AGBL4: variants seen among roughly 807,000 people sequenced by gnomAD.
The protein encoded by AGBL4 is AGBL carboxypeptidase 4.
In AGBL4, 58 loss-of-function variants were observed where a neutral mutation model predicts 66.4. The observed-to-expected ratio is 0.87, with a 90% CI of 0.71 to 1.09. The LOEUF is 1.09. Ranked by LOEUF, AGBL4 falls within the 50% of genes least tolerant of loss-of-function variation. AGBL4 has a pLI of 0.00. For missense variants in AGBL4, 579 were observed against 631.0 expected (o/e 0.92, Z 0.88); for synonymous variants, 234 against 222.9 (o/e 1.05, Z -0.44).
chr1:49,744,661 A>T (rs369299510), intron 2 of AGBL4, among the ~76,000 whole-genome samples: 78 of 152,194 alleles, frequency 5.1e-4, no homozygotes, highest in African/African-American at 1.8e-3. Flanking sequence ...AAAAGTATAA[A>T]CCTATTTTTG....
chr1:49,282,371 A>C (rs1008839753), intron 3 of AGBL4, among the ~76,000 whole-genome samples: 2 of 152,208 alleles, frequency 1.3e-5, no homozygotes, highest in African/African-American at 4.8e-5. Flanking sequence ...GTCTCAAAAA[A>C]AGGAGTAGGG....
intron 2 of AGBL4, among the ~76,000 whole-genome samples, chr1:49,850,814 T>G (rs1225607936): frequency 6.6e-6 from 1 of 152,122 alleles, no homozygotes; most frequent in Non-Finnish European, 1.5e-5. Flanking sequence ...GTCTCTACTG[T>G]GTGACAATTA....
chr1:49,512,643 G>A (rs1265272291), intron 3 of AGBL4, among the ~76,000 whole-genome samples: 1 of 151,820 alleles, frequency 6.6e-6, no homozygotes, highest in African/African-American at 2.4e-5. Context: ...AAACCCAGAA[G>A]CAGATACCAT....
Position 49,177,034 on chromosome 1 carries a change from C to T in AGBL4, c.377+68736G>A, listed in dbSNP as rs143402908. 2.3e-4 allele frequency among the ~76,000 whole-genome samples: 35 copies of T among 152,184 alleles called. No homozygotes were observed. The East Asian group carries it at 6.6e-3, about 29-fold the overall frequency. ...CTCAACAAAGCTCTGTCTTGGTTTTCAAGGGTCATCCCCATCCAAACAATC... is the reference window on the plus strand; with the variant it reads ...CTCAACAAAGCTCTGTCTTGGTTTTTAAGGGTCATCCCCATCCAAACAATC... On this transcript the variant is annotated intron_variant, in intron 4 of 13. Transcript: ENST00000371839.
At chr1:48,705,702 A>C (rs1646871868) in intron 6 of AGBL4, among the ~76,000 whole-genome samples, 1 of 152,254 alleles carries the variant, frequency 6.6e-6, no homozygotes, top group East Asian at 1.9e-4. Flanking sequence ...GTAATGTTAA[A>C]AATTAAACTT....
chr1:48,735,094 G>C (rs1048206892), intron 6 of AGBL4, among the ~76,000 whole-genome samples: 1 of 152,296 alleles, frequency 6.6e-6, no homozygotes, highest in Admixed American at 6.5e-5. Context: ...GTTGCTATGA[G>C]GATAATGAGT....
At chr1:49,639,916 G>T (rs1645748826) in intron 3 of AGBL4, among the ~76,000 whole-genome samples, 1 of 152,136 alleles carries the variant, frequency 6.6e-6, no homozygotes, top group African/African-American at 2.4e-5. Flanking sequence ...AGTTAAATAT[G>T]AGCAAAGATA....
At chr1:48,787,521 T>C (rs542573058) in intron 6 of AGBL4, among the ~76,000 whole-genome samples, 4 of 152,290 alleles carry the variant, frequency 2.6e-5, no homozygotes, top group African/African-American at 7.2e-5. Flanking sequence ...TGTCAACCAA[T>C]ATAAAAAAAT....
At chr1:49,371,224 GATAT>G (rs1396341671) in intron 3 of AGBL4, among the ~76,000 whole-genome samples, 199 of 122,530 alleles carry the variant, frequency 1.6e-3, no homozygotes, top group African/African-American at 4.8e-3. Context: ...TAGATAGATA[GATAT>G]ATAGATAGAT....
intron 6 of AGBL4, among the ~76,000 whole-genome samples, chr1:48,778,990 A>AC (rs765556623): frequency 6.6e-6 from 1 of 152,140 alleles, no homozygotes; most frequent in African/African-American, 2.4e-5. Context: ...AAAAGGAGCC[A>AC]CTCTGAGTTG....
intron 6 of AGBL4, among the ~76,000 whole-genome samples, chr1:48,788,938 A>G (rs1385934479): frequency 2.6e-5 from 4 of 152,174 alleles, no homozygotes; most frequent in Non-Finnish European, 5.9e-5. Flanking sequence ...AATTTTATAT[A>G]TATATGAGAG....
intron 5 of AGBL4, among the ~76,000 whole-genome samples, chr1:48,997,838 G>T (rs1320513002): frequency 6.6e-6 from 1 of 152,180 alleles, no homozygotes; most frequent in Non-Finnish European, 1.5e-5. Context: ...GCCACCAGTG[G>T]TGTATATTGT....
At chr1:49,001,316 A>T (rs955013662) in intron 5 of AGBL4, among the ~76,000 whole-genome samples, 13 of 152,204 alleles carry the variant, frequency 8.5e-5, no homozygotes, top group Non-Finnish European at 1.3e-4. Flanking sequence ...ACAAGCAGTT[A>T]TTTAGCTCTA....
At chr1:49,869,961 G>A (rs1379023482) in intron 1 of AGBL4, among the ~76,000 whole-genome samples, 1 of 152,086 alleles carries the variant, frequency 6.6e-6, no homozygotes, top group Admixed American at 6.5e-5. Flanking sequence ...AGAAGATCTA[G>A]AATGTTCCCA....
chr1:49,555,426 CAG>C (rs1265647922), intron 3 of AGBL4, among the ~76,000 whole-genome samples: 1 of 150,332 alleles, frequency 6.7e-6, no homozygotes, highest in Non-Finnish European at 1.5e-5. Flanking sequence ...TAGCTAGACA[CAG>C]AGCACTGATT....
At chr1:48,706,588 A>C (rs997430135) in intron 6 of AGBL4, among the ~76,000 whole-genome samples, 1 of 152,200 alleles carries the variant, frequency 6.6e-6, no homozygotes, top group African/African-American at 2.4e-5. Flanking sequence ...CTGCAAGTAC[A>C]TAATTTGAAA....
intron 3 of AGBL4, among the ~76,000 whole-genome samples, chr1:49,576,900 CCTTT>C (rs963386740): frequency 6.6e-6 from 1 of 152,170 alleles, no homozygotes; most frequent in Non-Finnish European, 1.5e-5. Context: ...CACTACAGCC[CCTTT>C]CTAAGACATC....
At chr1:49,318,209 T>A (rs1645072791) in intron 3 of AGBL4, among the ~76,000 whole-genome samples, 1 of 151,992 alleles carries the variant, frequency 6.6e-6, no homozygotes, top group South Asian at 2.1e-4. Flanking sequence ...TAATCTTGGG[T>A]AAGTTACTTA....
At chr1:49,654,160 G>T (rs527755550) in intron 3 of AGBL4, among the ~76,000 whole-genome samples, 35 of 152,122 alleles carry the variant, frequency 2.3e-4, no homozygotes, top group Non-Finnish European at 4.4e-4. Flanking sequence ...AGAGATTGGG[G>T]GCCAATATTC....
Sources: allele counts gnomAD v4.1 joint callset (sites outside exome capture counted in the v4.1 genomes callset), GRCh38; gene constraint gnomAD v4.1.1; transcripts MANE v1.5; gene names NCBI Gene and HGNC (gene_info 2026-07-23, HGNC 2026-07-21).